ARHGAP21: variants seen among roughly 807,000 people sequenced by gnomAD.
The protein encoded by ARHGAP21 is Rho GTPase activating protein 21.
ARHGAP21 carries 38 observed loss-of-function variants against 164.6 expected under a neutral mutation model. The ratio of observed to expected loss-of-function variants is 0.23; its 90% CI spans 0.18 to 0.30. The LOEUF (loss-of-function observed/expected upper bound fraction) is 0.30, where lower values mean the gene tolerates loss of function less well. Ranked by LOEUF, ARHGAP21 falls within the 10% of genes least tolerant of loss-of-function variation. ARHGAP21 has a pLI of 1.00. For missense variants in ARHGAP21, 1,822 were observed against 2,370.7 expected, an observed-to-expected ratio of 0.77 and a Z score of 4.81; for synonymous variants, 766 against 857.9, an observed-to-expected ratio of 0.89 and a Z score of 1.87.
At chr10:24,632,700 T>C (rs1314429757) in intron 6 of ARHGAP21, among the ~76,000 whole-genome samples, 2 of 152,200 alleles carry the variant, frequency 1.3e-5, no homozygotes, top group Admixed American at 6.5e-5. Context: ...GTTCCTGTAT[T>C]TGAATCTGAG....
chr10:24,622,122 G>A (rs139136558), intron 8 of ARHGAP21, among the ~76,000 whole-genome samples: 28 of 152,052 alleles, frequency 1.8e-4, no homozygotes, highest in Admixed American at 1.8e-3. Flanking sequence ...ATTACTAACA[G>A]GCAGGCATGC....
intron 2 of ARHGAP21, among the ~76,000 whole-genome samples, chr10:24,677,074 G>T (rs1226838618): frequency 2.6e-5 from 4 of 152,018 alleles, no homozygotes; most frequent in Non-Finnish European, 4.4e-5. Flanking sequence ...ACAAAAATTA[G>T]CTGGGCGTGG....
At chr10:24,676,863 T>C (rs895511451) in intron 2 of ARHGAP21, among the ~76,000 whole-genome samples, 1 of 152,196 alleles carries the variant, frequency 6.6e-6, no homozygotes, top group Non-Finnish European at 1.5e-5. Flanking sequence ...GAATGTGGAT[T>C]AAATATGAAA....
At chr10:24,698,683 C>T (rs1290814895) in intron 2 of ARHGAP21, among the ~76,000 whole-genome samples, 1 of 152,180 alleles carries the variant, frequency 6.6e-6, no homozygotes. Context: ...CAAGTACCTA[C>T]TAGGTCCTCT....
intron 7 of ARHGAP21, chr10:24,628,982 ATTTTTTTTTTTTT>A (rs1166249007): frequency 2.6e-4 from 3 of 11,632 alleles, no homozygotes; most frequent in African/African-American, 1.4e-3. Flanking sequence ...ATATATATAT[ATTTTTTTTTTTTT>A]TTTTTTTTTT....
At chr10:24,669,616 G>A (rs913104930) in intron 3 of ARHGAP21, among the ~76,000 whole-genome samples, 8 of 152,130 alleles carry the variant, frequency 5.3e-5, no homozygotes, top group African/African-American at 1.4e-4. Flanking sequence ...GGATTCTGGC[G>A]TGGATAAAGT....
At chr10:24,690,263 C>A (rs763972989) in intron 2 of ARHGAP21, among the ~76,000 whole-genome samples, 2 of 152,214 alleles carry the variant, frequency 1.3e-5, no homozygotes, top group Middle Eastern at 3.4e-3. Context: ...AAGAATGGAG[C>A]TGCTGGCTCA....
At chr10:24,630,227 G>A (rs549730789) in intron 6 of ARHGAP21, among the ~76,000 whole-genome samples, 177 bp from the exon 7 acceptor site, 38 of 152,152 alleles carry the variant, frequency 2.5e-4, no homozygotes, top group Admixed American at 1.6e-3. Context: ...CTTTGTATAC[G>A]TAAGTTAACT....
chr10:24,597,066 G>A lies in ARHGAP21; in HGVS notation c.3335-184C>T, dbSNP rs555840161. Among the ~76,000 whole-genome samples, 236 of 116,970 alleles carry A rather than the reference G, an allele frequency of 2.0e-3. 3 individuals carry two copies. The highest frequency in any genetic ancestry group is 0.014 in the South Asian group (53 of 3,870). The allele number at this position is 116,970 out of a possible 152,430, so 76.7% of individuals were successfully genotyped here. On this transcript the variant is annotated intron_variant, in intron 16 of 25. Coordinates refer to ENST00000396432, the MANE Select transcript of ARHGAP21 (RefSeq NM_020824.4). ...CTTTTACTTCATTCTTTTATAATGCGTGCTATAATTTTCTTTAAAACAGCA... is the reference window on the plus strand; with the variant it reads ...CTTTTACTTCATTCTTTTATAATGCATGCTATAATTTTCTTTAAAACAGCA...
intron 21 of ARHGAP21, among the ~76,000 whole-genome samples, chr10:24,593,244 A>C (rs2076415553): frequency 6.6e-6 from 1 of 152,168 alleles, no homozygotes; most frequent in African/African-American, 2.4e-5. Flanking sequence ...ATTCTTCTAG[A>C]GAGTTGGCTT....
intron 8 of ARHGAP21, among the ~76,000 whole-genome samples, chr10:24,622,228 A>G (rs956491088): frequency 6.6e-6 from 1 of 151,752 alleles, no homozygotes; most frequent in Non-Finnish European, 1.5e-5. Context: ...GACTTTACAA[A>G]ACAGAGCTCA....
intron 2 of ARHGAP21, among the ~76,000 whole-genome samples, chr10:24,702,477 T>C (rs11014205): frequency 0.28 from 42,847 of 151,904 alleles, 6,206 homozygotes; most frequent in South Asian, 0.36. Flanking sequence ...AGTATTGTAA[T>C]CTACAACTTT....
intron 13 of ARHGAP21, 127 bp downstream of exon 13, chr10:24,601,851 A>C: frequency 5.2e-6 from 6 of 1,146,332 alleles, no homozygotes; most frequent in Non-Finnish European, 5.7e-6. Flanking sequence ...AGAAAAATCT[A>C]TTTATAAATG....
At chr10:24,658,333 T>A (rs1027384481) in intron 4 of ARHGAP21, among the ~76,000 whole-genome samples, 5 of 152,144 alleles carry the variant, frequency 3.3e-5, no homozygotes, top group Admixed American at 6.5e-5. Context: ...GGGCATATAC[T>A]CAAAGGATTA....
At chr10:24,616,542 A>G (rs980918346) in intron 9 of ARHGAP21, among the ~76,000 whole-genome samples, 6 of 152,210 alleles carry the variant, frequency 3.9e-5, no homozygotes, top group Middle Eastern at 3.2e-3. Context: ...ATCAAATTCA[A>G]TTTAACTTAG....
chr10:24,612,196 G>A (rs1333579227), intron 9 of ARHGAP21, among the ~76,000 whole-genome samples: 2 of 152,066 alleles, frequency 1.3e-5, no homozygotes, highest in East Asian at 3.9e-4. Flanking sequence ...ACATAATTCT[G>A]CTTTTTATTT....
intron 11 of ARHGAP21, 32 bp downstream of exon 11, chr10:24,607,467 C>T: frequency 1.3e-6 from 2 of 1,586,582 alleles, no homozygotes; most frequent in Non-Finnish European, 8.6e-7. Flanking sequence ...CACCCACATA[C>T]AAATATTTAA....
chr10:24,655,381 G>A (rs1838708021), intron 4 of ARHGAP21, among the ~76,000 whole-genome samples: 1 of 152,040 alleles, frequency 6.6e-6, no homozygotes, highest in South Asian at 2.1e-4. Flanking sequence ...TCTGACAAAG[G>A]GCTAACATCC....
chr10:24,689,940 ATGTATATGTG>A (rs1842608522), intron 2 of ARHGAP21, among the ~76,000 whole-genome samples: 16 of 36,696 alleles, frequency 4.4e-4, no homozygotes, highest in African/African-American at 2.1e-4. Flanking sequence ...ATATGTATAT[ATGTATATGTG>A]TGTGTGTGTG....
Sources: gnomAD v4.1 joint callset for allele counts (sites outside exome capture counted in the v4.1 genomes callset) on GRCh38, gnomAD v4.1.1 for gene constraint, MANE v1.5 for transcripts, NCBI Gene and HGNC (gene_info 2026-07-23, HGNC 2026-07-21) for gene names.